The following PALS2 variants were observed in gnomAD, a reference collection of about 807,000 sequenced individuals.
The protein encoded by PALS2 is protein PALS2.
PALS2 carries 27 observed loss-of-function variants against 61.6 expected under a neutral mutation model. The ratio of observed to expected loss-of-function variants is 0.44; its 90% CI spans 0.32 to 0.60. The LOEUF is 0.60. PALS2 is among the 20% of genes least tolerant of loss of function. The pLI, the probability that PALS2 is intolerant of heterozygous loss-of-function variation, is 0.05. For synonymous variants in PALS2, 236 were observed against 218.6 expected (o/e 1.08, Z -0.70); for missense variants, 554 against 639.4 (o/e 0.87, Z 1.44).
chr7:24,605,512 T>C (rs1039238054), intron 1 of PALS2, among the ~76,000 whole-genome samples: 4 of 152,204 alleles, frequency 2.6e-5, no homozygotes, highest in Non-Finnish European at 2.9e-5. Context: ...GTTTTAGATA[T>C]TTATATAAGT....
intron 1 of PALS2, among the ~76,000 whole-genome samples, chr7:24,581,562 A>C (rs1562596203): frequency 6.6e-6 from 1 of 152,140 alleles, no homozygotes; most frequent in Non-Finnish European, 1.5e-5. Context: ...CTAAGTCAGT[A>C]TTTCTCAATC....
At chr7:24,617,357 T>G (rs1023302033) in intron 1 of PALS2, among the ~76,000 whole-genome samples, 2 of 152,214 alleles carry the variant, frequency 1.3e-5, no homozygotes, top group Admixed American at 6.5e-5. Flanking sequence ...TATTTTGAAT[T>G]CTCTTTGTGA....
At chr7:24,663,005 G>A (rs976666774) in intron 5 of PALS2, among the ~76,000 whole-genome samples, 75 of 151,974 alleles carry the variant, frequency 4.9e-4, no homozygotes, top group Admixed American at 3.9e-4. Flanking sequence ...AAATAGTTTC[G>A]AGACTTCTTC....
chr7:24,658,509 G>T (rs1218541542), intron 5 of PALS2, among the ~76,000 whole-genome samples: 1 of 150,830 alleles, frequency 6.6e-6, no homozygotes, highest in East Asian at 1.9e-4. Flanking sequence ...ATTTTACCTT[G>T]TTGGGTGCTG....
At position 24,614,320 on chromosome 7, in the gene PALS2, G is replaced by T. The variant is rs77294717; in HGVS notation, c.-2-9346G>T. Among the ~76,000 whole-genome samples the T allele has an allele frequency of 5.2e-3, 784 of 151,496 alleles. 12 individuals are homozygous for T. The highest frequency in any genetic ancestry group is 0.018 in the African/African-American group (751 of 41,402). On this transcript the variant is annotated intron_variant, in intron 1 of 11. Coordinates refer to ENST00000222644, the MANE Select transcript of PALS2 (RefSeq NM_001303037.2). Reference sequence around the variant, plus strand: ...TTGATTTTTAATGTGTGTTGTTTGTGTATAGATATACTACTGATTTTTGTG... The same window carrying T: ...TTGATTTTTAATGTGTGTTGTTTGTTTATAGATATACTACTGATTTTTGTG...
At chr7:24,671,542 A>G (rs1404528072) in intron 9 of PALS2, among the ~76,000 whole-genome samples, 2 of 152,082 alleles carry the variant, frequency 1.3e-5, no homozygotes, top group African/African-American at 4.8e-5. Flanking sequence ...ATGAAGTCCA[A>G]ATTTATATGT....
intron 2 of PALS2, among the ~76,000 whole-genome samples, chr7:24,630,243 C>T (rs778042187): frequency 1.2e-4 from 18 of 152,062 alleles, no homozygotes; most frequent in Admixed American, 2.6e-4. Context: ...AACCAAACAC[C>T]GCATGTTTTC....
At chr7:24,621,978 C>A (rs1172021041) in intron 1 of PALS2, among the ~76,000 whole-genome samples, 1 of 151,974 alleles carries the variant, frequency 6.6e-6, no homozygotes, top group Non-Finnish European at 1.5e-5. Context: ...TTGTCAGAAT[C>A]AATTGACCAT....
chr7:24,629,347 T>G (rs1347157336), intron 2 of PALS2, among the ~76,000 whole-genome samples: 1 of 152,152 alleles, frequency 6.6e-6, no homozygotes, highest in Non-Finnish European at 1.5e-5. Flanking sequence ...TCAAGATAGA[T>G]TAAAGACTTA....
chr7:24,617,155 G>C (rs1023167556), intron 1 of PALS2, among the ~76,000 whole-genome samples: 7 of 151,834 alleles, frequency 4.6e-5, no homozygotes, highest in African/African-American at 1.7e-4. Flanking sequence ...TCTTCTGCCT[G>C]GTCTAGTCCT....
intron 5 of PALS2, among the ~76,000 whole-genome samples, chr7:24,661,715 T>C (rs1324040453): frequency 6.6e-6 from 1 of 152,220 alleles, no homozygotes; most frequent in Non-Finnish European, 1.5e-5. Context: ...GACAATTAAT[T>C]AGGGAGGTAG....
intron 9 of PALS2, among the ~76,000 whole-genome samples, chr7:24,669,360 G>A (rs1787186817): frequency 6.6e-6 from 1 of 152,218 alleles, no homozygotes; most frequent in South Asian, 2.1e-4. Flanking sequence ...ATTGGATGAT[G>A]TTAGTGATTT....
rs1484613900 is a variant in PALS2, at chr7:24,573,805, G to T, written c.-3+212G>T. Among the ~76,000 whole-genome samples, 1 of 148,558 alleles carries T rather than the reference G, an allele frequency of 6.7e-6. No homozygotes were observed. Among genetic ancestry groups the T allele is most frequent in the Non-Finnish European group, 1.5e-5 (1 of 66,672 alleles). ...TCGGGGAGGCTGCTGGCCGCCCCCA[G>T]CCCGGCCCGCGCGGAAGGGGCGCTC... On this transcript the variant is annotated intron_variant, in intron 1 of 11. Transcript: ENST00000222644. The surrounding 1 kb of genome is among the most constrained non-coding windows in gnomAD (Gnocchi z 5.3).
chr7:24,582,203 A>G (rs1782871419), intron 1 of PALS2, among the ~76,000 whole-genome samples: 1 of 152,242 alleles, frequency 6.6e-6, no homozygotes, highest in South Asian at 2.1e-4. Flanking sequence ...GGGTCTTCCC[A>G]AAGCATCAAC....
rs1554319006 is a variant in PALS2 at position 24,691,444 on chromosome 7, T to TATATATATAC, written c.*3831_*3832insTATATATACA. The TATATATATAC allele has an allele frequency of 1.5e-5, 2 of 134,340 alleles. No individual in the cohort carries two copies. Among genetic ancestry groups the TATATATATAC allele is most frequent in the African/African-American group, 2.7e-5 (1 of 37,674 alleles). 8.3% of individuals were successfully genotyped at this position (134,340 alleles called of 1,614,324 possible). A position where few individuals can be genotyped will look rare whatever the true frequency, so the allele number is the denominator to read the frequency against. Reference sequence around the variant, plus strand: ...ATATATATATATATATATATATATATACAGCTATGTGTATAATATGTAAAA... The same window carrying TATATATATAC: ...ATATATATATATATATATATATATATATATATATACACAGCTATGTGTATAATATGTAAAA... On this transcript the variant is annotated 3_prime_UTR_variant, in exon 12 of 12. Transcript: ENST00000222644.
intron 1 of PALS2, among the ~76,000 whole-genome samples, chr7:24,598,670 A>C (rs1233493660): frequency 6.6e-6 from 1 of 152,198 alleles, no homozygotes; most frequent in Non-Finnish European, 1.5e-5. Flanking sequence ...AAATTTCTGA[A>C]ACTGTGCTAA....
Position 24,679,336 on chromosome 7 carries a change from A to T in PALS2, c.1317+3A>T. 6.2e-7 allele frequency: 1 copy of T among 1,613,210 alleles called. No homozygotes were observed. Among genetic ancestry groups the T allele is most frequent in the Admixed American group, 1.7e-5 (1 of 59,938 alleles). ...GCATTCTGGATGTCAACCCACAAGT[A>T]AGCTGCTTGGATTCCAAAGCTGTTT... On this transcript the variant is annotated splice_donor_region_variant and intron_variant, in intron 10 of 11. Transcript: ENST00000222644.
In PALS2 at chr7:24,618,094, C is replaced by T. The variant is rs1278280408; in HGVS notation, c.-2-5572C>T. Among the ~76,000 whole-genome samples the T allele has an allele frequency of 6.6e-6, 1 of 152,174 alleles. No homozygotes were observed. Among genetic ancestry groups the T allele is most frequent in the Non-Finnish European group, 1.5e-5 (1 of 68,032 alleles). ...TGTGGAGCCAGTTCAAGGACATCTT[C>T]ACCAGAGGCTAGCCTGCCAGGCTGT... On this transcript the variant is annotated intron_variant, in intron 1 of 11. Coordinates refer to ENST00000222644, the MANE Select transcript of PALS2 (RefSeq NM_001303037.2). The surrounding 1 kb of genome is among the most constrained non-coding windows in gnomAD (Gnocchi z 5.1).
At chr7:24,626,803 A>G (rs968741319) in intron 2 of PALS2, among the ~76,000 whole-genome samples, 1 of 152,232 alleles carries the variant, frequency 6.6e-6, no homozygotes, top group African/African-American at 2.4e-5. Context: ...AAAGGGATCA[A>G]TGCAACAAGA....
Sources: allele counts gnomAD v4.1 joint callset (sites outside exome capture counted in the v4.1 genomes callset), GRCh38; gene constraint gnomAD v4.1.1; non-coding constraint Gnocchi (gnomAD v3.1); transcripts MANE v1.5; gene names NCBI Gene and HGNC (gene_info 2026-07-23, HGNC 2026-07-21).